The following ZNF517 variants were observed in gnomAD, a reference collection of about 807,000 sequenced individuals.
ZNF517 encodes zinc finger protein 517.
ZNF517 carries 12 observed loss-of-function variants against 12.1 expected under a neutral mutation model. The observed-to-expected ratio is 0.99, with a 90% CI of 0.63 to 1.61. The LOEUF (loss-of-function observed/expected upper bound fraction) is 1.61, where lower values mean the gene tolerates loss of function less well. Ranked by LOEUF, ZNF517 falls within the 40% of genes most tolerant of loss-of-function variation. The probability of loss-of-function intolerance (pLI) is 0.00; values close to 1 mark genes in which losing one functional copy is unlikely to be tolerated. For synonymous variants in ZNF517, 388 were observed against 310.2 expected (o/e 1.25, Z -2.63); for missense variants, 781 against 693.2 (o/e 1.13, Z -1.42).
At chr8:144,804,607 A>C (rs1365650642) in intron 4 of ZNF517, among the ~76,000 whole-genome samples, 1 of 152,094 alleles carries the variant, frequency 6.6e-6, no homozygotes, top group Non-Finnish European at 1.5e-5. Flanking sequence ...AGAAGAAAAG[A>C]CAGCTGGGCC....
At chr8:144,805,807 AG>A in intron 4 of ZNF517, among the ~76,000 whole-genome samples, 1 of 149,026 alleles carries the variant, frequency 6.7e-6, no homozygotes, top group East Asian at 2.0e-4. Flanking sequence ...TTTTTAATAG[AG>A]ACGAGGTTTC....
chr8:144,810,266 A>C, downstream of ZNF517: 2 of 617,642 alleles, frequency 3.2e-6, no homozygotes, highest in Middle Eastern at 2.5e-4. Context: ...GATGAAGAGA[A>C]GGTGAGGGGG....
chr8:144,810,123 C>A, downstream of ZNF517: 1 of 686,816 alleles, frequency 1.5e-6, no homozygotes. Flanking sequence ...TAATACACTG[C>A]CCAGCAGAAG....
rs1170258354 is a variant in ZNF517 at position 144,808,990 on chromosome 8, TAAGTC to T, written c.*597_*601del. The T allele has an allele frequency of 6.6e-6, 1 of 151,706 alleles. No individual in the cohort carries two copies. Among genetic ancestry groups the T allele is most frequent in the East Asian group, 2.0e-4 (1 of 5,074 alleles). The allele number at this position is 151,706 out of a possible 1,614,324, so 9.4% of individuals were successfully genotyped here. On this transcript the variant is annotated 3_prime_UTR_variant, in exon 5 of 5. Coordinates refer to ENST00000359971, the MANE Select transcript of ZNF517 (RefSeq NM_213605.3). Reference sequence around the variant, plus strand: ...AACTTCTCTACAAAAAATTTAAAAATAAGTCAGGTATCGTGGTCTGTGCCTGTACG... The same window carrying T: ...AACTTCTCTACAAAAAATTTAAAAATAGGTATCGTGGTCTGTGCCTGTACG...
chr8:144,800,417 C>G lies in ZNF517; in HGVS notation c.-46+1480C>G, dbSNP rs116303453. On this transcript the variant is annotated intron_variant, in intron 1 of 4. Coordinates refer to ENST00000359971, the MANE Select transcript of ZNF517 (RefSeq NM_213605.3). ...TGCACTCCCTAGACATGAGCAAACACAAAGCAGCAGTAACTTACCGCTCCT... is the reference window on the plus strand; with the variant it reads ...TGCACTCCCTAGACATGAGCAAACAGAAAGCAGCAGTAACTTACCGCTCCT... The G allele has an allele frequency of 7.7e-4, 714 of 924,676 alleles. 6 individuals carry two copies. In the African/African-American group the frequency reaches 0.012, roughly 15 times the overall value. The allele number at this position is 924,676 out of a possible 1,614,324, so 57.3% of individuals were successfully genotyped here. A position where few individuals can be genotyped will look rare whatever the true frequency, so the allele number is the denominator to read the frequency against.
rs1350754876 is a variant in ZNF517 at position 144,809,459 on chromosome 8, G to A, written c.*1064G>A. On this transcript the variant is annotated 3_prime_UTR_variant, in exon 5 of 5. Coordinates refer to ENST00000359971, the MANE Select transcript of ZNF517 (RefSeq NM_213605.3). ...CATCCACTTGGTTGGGGACCCAGATGGAACACAAAGGGAGAAGACAAGCAA... is the reference window on the plus strand; with the variant it reads ...CATCCACTTGGTTGGGGACCCAGATAGAACACAAAGGGAGAAGACAAGCAA... The A allele has an allele frequency of 6.6e-6, 1 of 152,264 alleles. No homozygotes were observed. The highest frequency in any genetic ancestry group is 1.5e-5 in the Non-Finnish European group (1 of 68,086). 9.4% of individuals were successfully genotyped at this position (152,264 alleles called of 1,614,324 possible).
intron 2 of ZNF517, chr8:144,803,359 C>T (rs1364828921): frequency 6.1e-6 from 3 of 488,296 alleles, no homozygotes; most frequent in Non-Finnish European, 1.1e-5. Flanking sequence ...CCCCAAATCC[C>T]TGATAGCCTG....
At position 144,808,248 on chromosome 8, in the gene ZNF517, GCTC is replaced by G; in HGVS notation, c.1334_1336del (p.Leu445del). 1 of 1,596,870 alleles carries G rather than the reference GCTC, an allele frequency of 6.3e-7. No homozygotes were observed. The highest frequency in any genetic ancestry group is 8.5e-7 in the Non-Finnish European group (1 of 1,171,090). On this transcript the variant is annotated inframe_deletion, in exon 5 of 5. Coordinates refer to ENST00000359971, the MANE Select transcript of ZNF517 (RefSeq NM_213605.3). ...GCTACACGCTGAACGAGCACTACCG[GCTC>G]CACAGCGGCGAGAGGCCATACCGGT...
intron 3 of ZNF517, 23 bp downstream of exon 3, chr8:144,803,790 C>T (rs759771365): frequency 6.2e-7 from 1 of 1,609,818 alleles, no homozygotes; most frequent in Admixed American, 1.7e-5. Context: ...GCCTTTGGTC[C>T]TGGGGCCGGG....
intron 4 of ZNF517, among the ~76,000 whole-genome samples, chr8:144,806,804 C>A (rs1827243652): frequency 6.6e-6 from 1 of 151,692 alleles, no homozygotes; most frequent in Non-Finnish European, 1.5e-5. Context: ...GATTTTAAAA[C>A]CTCTGGCAAT....
downstream of ZNF517, among the ~76,000 whole-genome samples, chr8:144,811,322 G>A (rs958820212): frequency 6.6e-6 from 1 of 152,230 alleles, no homozygotes; most frequent in African/African-American, 2.4e-5. Flanking sequence ...TCCCAGTCCC[G>A]GTACCAGCTC....
downstream of ZNF517, among the ~76,000 whole-genome samples, chr8:144,813,377 TATAAA>T (rs1827610280): frequency 6.7e-6 from 1 of 149,538 alleles, no homozygotes; most frequent in South Asian, 2.1e-4. Flanking sequence ...CAAGGACAAT[TATAAA>T]ACACTGATGA....
intron 1 of ZNF517, among the ~76,000 whole-genome samples, chr8:144,801,173 C>A (rs1392803405): frequency 1.3e-5 from 2 of 152,118 alleles, no homozygotes; most frequent in Non-Finnish European, 2.9e-5. Flanking sequence ...AGGGAAACAT[C>A]TCTTTACAAA....
intron 1 of ZNF517, among the ~76,000 whole-genome samples, chr8:144,799,796 C>T (rs2954662): frequency 0.28 from 42,583 of 150,438 alleles, 6,918 homozygotes; most frequent in South Asian, 0.45. Flanking sequence ...AAAAATTAGC[C>T]GGGCGTGGTG....
downstream of ZNF517, chr8:144,810,941 C>A (rs1827535943): frequency 6.6e-6 from 1 of 152,650 alleles, no homozygotes; most frequent in South Asian, 2.1e-4. Flanking sequence ...GCCCAAAGCA[C>A]AAGCCACGCA....
Position 144,809,882 on chromosome 8 carries a change from G to A in ZNF517, c.*1487G>A, listed in dbSNP as rs186489482. On this transcript the variant is annotated 3_prime_UTR_variant, in exon 5 of 5. Transcript: ENST00000359971. ...GCCTGGCCAACATGGTGAGACCCCC[G>A]TCTCTACTAAAAGTACAAAAAGTAG... 3.6e-4 allele frequency: 112 copies of A among 312,360 alleles called. No individual in the cohort carries two copies. The highest frequency in any genetic ancestry group is 2.1e-3 in the African/African-American group (97 of 46,522). 19.3% of individuals were successfully genotyped at this position (312,360 alleles called of 1,614,324 possible).
At chr8:144,806,765 G>A (rs1586764412) in intron 4 of ZNF517, among the ~76,000 whole-genome samples, 1 of 152,120 alleles carries the variant, frequency 6.6e-6, no homozygotes, top group East Asian at 1.9e-4. Flanking sequence ...GATTAGAGGC[G>A]TGAGCCACTG....
At chr8:144,800,952 C>G (rs1020320986) in intron 1 of ZNF517, among the ~76,000 whole-genome samples, 1 of 151,994 alleles carries the variant, frequency 6.6e-6, no homozygotes, top group African/African-American at 2.4e-5. Context: ...GCCTCAGCCT[C>G]CCAAGTAGCT....
chr8:144,807,579 G>A lies in ZNF517; in HGVS notation c.663G>A (p.Leu221=). 1.2e-6 allele frequency: 2 copies of A among 1,602,950 alleles called. No homozygotes were observed. The highest frequency in any genetic ancestry group is 2.2e-5 in the South Asian group (2 of 89,690). ...GKAFKQSSIL[L]RHQLIHTEEK... is the part of the protein sequence containing the mutation. ...CCTTCAAGCAAAGCTCCATCCTGCT[G>A]CGGCACCAGCTGATCCACACTGAGG... Residue 221 remains leucine, a synonymous_variant, in exon 5 of 5, where the codon CTG becomes CTA. Transcript: ENST00000359971.
Sources: gnomAD v4.1 joint callset for allele counts (sites outside exome capture counted in the v4.1 genomes callset) on GRCh38, gnomAD v4.1.1 for gene constraint, MANE v1.5 for transcripts, NCBI Gene and HGNC (gene_info 2026-07-23, HGNC 2026-07-21) for gene names.